Variants in KANSL1L observed in about 807,000 individuals in gnomAD.
The protein encoded by KANSL1L is KAT8 regulatory NSL complex subunit 1 like.
Under a neutral mutation model 108.6 loss-of-function variants are expected in KANSL1L, and 25 were observed. That is an observed-to-expected ratio of 0.23 (90% CI 0.17 to 0.32). The LOEUF is 0.32. Ranked by LOEUF, KANSL1L falls within the 10% of genes least tolerant of loss-of-function variation. KANSL1L has a pLI of 1.00. For missense variants in KANSL1L, 1,137 were observed against 1,125.7 expected, an observed-to-expected ratio of 1.01 and a Z score of -0.14; for synonymous variants, 405 against 395.1, an observed-to-expected ratio of 1.03 and a Z score of -0.30.
chr2:210,106,484 G>A (rs1333973438), intron 3 of KANSL1L, among the ~76,000 whole-genome samples: 1 of 152,028 alleles, frequency 6.6e-6, no homozygotes, highest in Non-Finnish European at 1.5e-5. Context: ...ATTCAACCAG[G>A]GAGGCAGGGC....
Position 210,022,612 on chromosome 2 carries a change from G to GTAT in KANSL1L, c.*334_*336dup, listed in dbSNP as rs2093876098. The GTAT allele has an allele frequency of 4.2e-6, 1 of 237,654 alleles. No individual in the cohort carries two copies. Among genetic ancestry groups the GTAT allele is most frequent in the Non-Finnish European group, 8.3e-6 (1 of 120,750 alleles). The allele number at this position is 237,654 out of a possible 1,614,324, so 14.7% of individuals were successfully genotyped here. A position where few individuals can be genotyped will look rare whatever the true frequency, so the allele number is the denominator to read the frequency against. On this transcript the variant is annotated 3_prime_UTR_variant, in exon 15 of 15. Transcript: ENST00000281772. ...TTGGCACACAGGTTTGTATGTATGT[G>GTAT]TATATATATATGTATGTATGTATGG... is the stretch of plus-strand genomic sequence containing the variant.
intron 3 of KANSL1L, among the ~76,000 whole-genome samples, chr2:210,117,029 T>C (rs2094961291): frequency 6.6e-6 from 1 of 152,034 alleles, no homozygotes; most frequent in African/African-American, 2.4e-5. Context: ...TCAGATAAAT[T>C]TAATGAAGAA....
intron 6 of KANSL1L, among the ~76,000 whole-genome samples, chr2:210,056,087 C>G (rs1220582531): frequency 6.6e-6 from 1 of 152,234 alleles, no homozygotes; most frequent in Non-Finnish European, 1.5e-5. Flanking sequence ...GTGGTGCCTG[C>G]ATCCCAGCTG....
chr2:210,053,642 C>T (rs188789249), intron 6 of KANSL1L, among the ~76,000 whole-genome samples: 280 of 151,764 alleles, frequency 1.8e-3, no homozygotes, highest in Non-Finnish European at 3.3e-3. Flanking sequence ...TTTTGTAACT[C>T]AAGAAAAATT....
intron 6 of KANSL1L, among the ~76,000 whole-genome samples, chr2:210,065,696 C>G (rs1431481706): frequency 6.6e-6 from 1 of 150,716 alleles, no homozygotes; most frequent in Non-Finnish European, 1.5e-5. Flanking sequence ...AGGGATTCTC[C>G]TGCCTCAGCC....
intron 5 of KANSL1L, among the ~76,000 whole-genome samples, chr2:210,094,843 T>C (rs2094722567): frequency 6.6e-6 from 1 of 151,838 alleles, no homozygotes; most frequent in South Asian, 2.1e-4. Context: ...AAAAAAATTC[T>C]TAGAAACCAC....
chr2:210,021,983 T>C lies in KANSL1L; in HGVS notation c.*966A>G, dbSNP rs922182637. 4.0e-5 allele frequency: 6 copies of C among 151,092 alleles called. No homozygotes were observed. The highest frequency in any genetic ancestry group is 7.4e-5 in the Non-Finnish European group (5 of 67,812). 9.4% of individuals were successfully genotyped at this position (151,092 alleles called of 1,614,324 possible). On this transcript the variant is annotated 3_prime_UTR_variant, in exon 15 of 15. Coordinates refer to ENST00000281772, the MANE Select transcript of KANSL1L (RefSeq NM_152519.4). Reference sequence around the variant, plus strand: ...CAGCCAGAATTAACTAATTTCTTGCTAATCTAGAAATACAATCATCTTTTT... The same window carrying C: ...CAGCCAGAATTAACTAATTTCTTGCCAATCTAGAAATACAATCATCTTTTT...
chr2:210,027,485 T>A, intron 11 of KANSL1L, 135 bp from the exon 12 acceptor site: 1 of 616,590 alleles, frequency 1.6e-6, no homozygotes, highest in East Asian at 2.8e-5. Flanking sequence ...AATACTTAAT[T>A]TTTTAAAAGA....
At chr2:210,034,159 C>T (rs180730502) in intron 8 of KANSL1L, among the ~76,000 whole-genome samples, 2 of 152,226 alleles carry the variant, frequency 1.3e-5, no homozygotes, top group African/African-American at 4.8e-5. Flanking sequence ...TATTCTAAAC[C>T]CTAGGTAAGC....
chr2:210,117,112 C>T (rs1038185739), intron 3 of KANSL1L, among the ~76,000 whole-genome samples: 2 of 152,104 alleles, frequency 1.3e-5, no homozygotes, highest in East Asian at 1.9e-4. Context: ...GAAGAATGCA[C>T]AAGATAGAGT....
intron 3 of KANSL1L, among the ~76,000 whole-genome samples, chr2:210,119,518 G>A (rs966234150): frequency 5.3e-5 from 8 of 152,120 alleles, no homozygotes; most frequent in Admixed American, 1.3e-4. Flanking sequence ...TTCCAGGGGC[G>A]CAAAGATGGT....
chr2:210,065,113 G>C (rs1025016893), intron 6 of KANSL1L, among the ~76,000 whole-genome samples: 1 of 151,298 alleles, frequency 6.6e-6, no homozygotes, highest in African/African-American at 2.4e-5. Context: ...GGCCAACGTG[G>C]TGAAACCCCA....
chr2:210,049,600 A>G (rs2094266368), intron 6 of KANSL1L, among the ~76,000 whole-genome samples: 1 of 152,150 alleles, frequency 6.6e-6, no homozygotes, highest in Non-Finnish European at 1.5e-5. Flanking sequence ...CTATTTTTAA[A>G]AGAAAAATTT....
intron 1 of KANSL1L, chr2:210,170,755 C>T (rs1479043897): frequency 6.6e-6 from 1 of 152,286 alleles, no homozygotes; most frequent in African/African-American, 2.4e-5. Flanking sequence ...GAGGCTCAGC[C>T]GATGAGGCAA....
At chr2:210,144,503 T>C (rs2095252261) in intron 2 of KANSL1L, among the ~76,000 whole-genome samples, 1 of 151,572 alleles carries the variant, frequency 6.6e-6, no homozygotes. Flanking sequence ...CTCCTTTTCA[T>C]TATTTTTCCT....
chr2:210,087,476 A>G (rs918407787), intron 5 of KANSL1L, among the ~76,000 whole-genome samples: 5 of 152,204 alleles, frequency 3.3e-5, no homozygotes, highest in African/African-American at 9.7e-5. Context: ...GACAGCCACG[A>G]AAGCAACAAA....
chr2:210,166,595 A>T (rs1340312158), intron 1 of KANSL1L, among the ~76,000 whole-genome samples: 1 of 152,124 alleles, frequency 6.6e-6, no homozygotes, highest in African/African-American at 2.4e-5. Flanking sequence ...CATATATTCC[A>T]TATATGCCAT....
At chr2:210,140,795 ATT>A (rs1343013751) in intron 2 of KANSL1L, among the ~76,000 whole-genome samples, 1 of 151,968 alleles carries the variant, frequency 6.6e-6, no homozygotes, top group African/African-American at 2.4e-5. Context: ...ATGTTTTTCC[ATT>A]TGTTTCTTTT....
upstream of KANSL1L, among the ~76,000 whole-genome samples, chr2:210,172,026 A>G (rs1423659049): frequency 1.3e-5 from 2 of 151,964 alleles, no homozygotes; most frequent in Admixed American, 1.3e-4. Context: ...AGCAGTTTTA[A>G]GTCTCTACAA....
Sources: allele counts gnomAD v4.1 joint callset (sites outside exome capture counted in the v4.1 genomes callset), GRCh38; gene constraint gnomAD v4.1.1; transcripts MANE v1.5; gene names NCBI Gene and HGNC (gene_info 2026-07-23, HGNC 2026-07-21).